MAP9: variants seen among roughly 807,000 people sequenced by gnomAD.
The protein encoded by MAP9 is microtubule-associated protein 9.
A neutral mutation model predicts 75.2 loss-of-function variants in MAP9; 80 were observed. The observed-to-expected ratio is 1.06, with a 90% confidence interval of 0.89 to 1.28. The LOEUF (loss-of-function observed/expected upper bound fraction) is 1.28. Among genes scored for constraint, MAP9 ranks in the 50% most tolerant of loss-of-function variants. MAP9 has a pLI of 0.00. For missense variants in MAP9, 753 were observed against 719.9 expected (o/e 1.05, Z -0.53); for synonymous variants, 235 against 237.3 (o/e 0.99, Z 0.09).
intron 7 of MAP9, among the ~76,000 whole-genome samples, chr4:155,359,116 G>A (rs924620369): frequency 6.6e-6 from 1 of 151,460 alleles, no homozygotes; most frequent in African/African-American, 2.4e-5. Context: ...AAAGATACCT[G>A]CACTCATGTT....
intron 4 of MAP9, among the ~76,000 whole-genome samples, chr4:155,371,924 G>A (rs189508059): frequency 2.0e-5 from 3 of 152,188 alleles, no homozygotes; most frequent in African/African-American, 7.2e-5. Flanking sequence ...ATTTTAACAA[G>A]TTAATTGTTT....
In MAP9 at chr4:155,360,169, T is replaced by C; in HGVS notation, c.1049A>G (p.Lys350Arg). 6.2e-7 allele frequency: 1 copy of C among 1,608,440 alleles called. No homozygotes were observed. The highest frequency in any genetic ancestry group is 8.5e-7 in the Non-Finnish European group (1 of 1,175,762). Residue 350 changes from lysine (K) to arginine (R), a missense_variant and splice_region_variant, in exon 7 of 14, where the codon AAG becomes AGG. Lys to Arg is a conservative substitution (Grantham distance 26). Transcript: ENST00000311277. ...LISTSATASS[K>R]KTIEDRNIKN... ...AAAAGTATGAATTTTTACAAATACC[T>C]TTGAAGATGCTGTTGCACTGGTAGA...
At chr4:155,370,298 A>T (rs1187476410) in intron 4 of MAP9, among the ~76,000 whole-genome samples, 1 of 152,216 alleles carries the variant, frequency 6.6e-6, no homozygotes, top group Non-Finnish European at 1.5e-5. Flanking sequence ...TCCAAATCAG[A>T]TCACATCACT....
intron 7 of MAP9, among the ~76,000 whole-genome samples, chr4:155,359,038 G>C (rs1421362525): frequency 1.3e-5 from 2 of 151,860 alleles, no homozygotes; most frequent in African/African-American, 2.4e-5. Context: ...ACTAAATATA[G>C]AACTACCACT....
Position 155,362,074 on chromosome 4 carries a change from C to T in MAP9, c.776G>A (p.Gly259Glu), listed in dbSNP as rs772508102. The T allele has an allele frequency of 6.2e-7, 1 of 1,600,300 alleles. No homozygotes were observed. Among genetic ancestry groups the T allele is most frequent in the African/African-American group, 1.3e-5 (1 of 74,148 alleles). ...TTTTCCAGATGCGTTTCCCTCAGAT[C>T]CTGGTGAAAAAGAATCTCCAAGAAT... ...KQILGDSFSP[G>E]SEGNASGKDP... Residue 259 changes from glycine to glutamate, a missense_variant, in exon 6 of 14, where the codon GGA becomes GAA. By Grantham distance (98) the Gly-to-Glu change is moderately conservative (BLOSUM62 -2). Coordinates refer to ENST00000311277, the MANE Select transcript of MAP9 (RefSeq NM_001039580.2).
At chr4:155,366,512 T>G (rs919782073) in intron 5 of MAP9, among the ~76,000 whole-genome samples, 44 of 152,206 alleles carry the variant, frequency 2.9e-4, no homozygotes, top group African/African-American at 1.0e-3. Context: ...GCAATTACTT[T>G]TGCACCAACA....
chr4:155,353,949 T>G (rs1296045309), intron 10 of MAP9, among the ~76,000 whole-genome samples: 1 of 152,206 alleles, frequency 6.6e-6, no homozygotes, highest in Admixed American at 6.5e-5. Context: ...TAATATTCTA[T>G]GTTTGCTTTA....
chr4:155,344,549 T>C lies in MAP9; in HGVS notation c.*3234A>G, dbSNP rs930035499. 5 of 152,018 alleles carry C rather than the reference T, an allele frequency of 3.3e-5. No individual in the cohort carries two copies. Among genetic ancestry groups the C allele is most frequent in the African/African-American group, 1.2e-4 (5 of 41,454 alleles). 9.4% of individuals were successfully genotyped at this position (152,018 alleles called of 1,614,324 possible). A position where few individuals can be genotyped will look rare whatever the true frequency, so the allele number is the denominator to read the frequency against. On this transcript the variant is annotated 3_prime_UTR_variant, in exon 14 of 14. Transcript: ENST00000311277. ...TAAGGAACATAAGACTGTGGATACC[T>C]ATCTACTGTCAGGTACTGCTTTGGC...
intron 1 of MAP9, chr4:155,376,472 C>T (rs888693131): frequency 6.6e-6 from 1 of 152,252 alleles, no homozygotes. Context: ...CGCGATGAGC[C>T]GCATTAAAAT....
At chr4:155,348,043 A>G (rs1171437031) in intron 13 of MAP9, 138 bp from the exon 14 acceptor site, 1 of 608,742 alleles carries the variant, frequency 1.6e-6, no homozygotes, top group African/African-American at 1.9e-5. Flanking sequence ...TCATAAAGAA[A>G]TAACAGGTAG....
Position 155,355,611 on chromosome 4 carries a change from G to A in MAP9, c.1290+105C>T, listed in dbSNP as rs1056105643. 3.2e-5 allele frequency: 26 copies of A among 808,672 alleles called. No homozygotes were observed. The African/African-American group carries it at 4.2e-4, about 13-fold the overall frequency. The allele number at this position is 808,672 out of a possible 1,614,324, so 50.1% of individuals were successfully genotyped here. A position where few individuals can be genotyped will look rare whatever the true frequency, so the allele number is the denominator to read the frequency against. On this transcript the variant is annotated intron_variant, in intron 9 of 13. Transcript: ENST00000311277. ...GGAAACTCTTTCTCAATAAATTTAA[G>A]TATTAAACCATCATTTTCTATCAGG...
intron 7 of MAP9, among the ~76,000 whole-genome samples, chr4:155,358,793 C>T (rs1267511850): frequency 2.0e-5 from 3 of 151,790 alleles, no homozygotes; most frequent in Admixed American, 2.0e-4. Flanking sequence ...AGAAGACATA[C>T]AAGTGGCCAA....
intron 10 of MAP9, chr4:155,354,443 G>A (rs930668743): frequency 2.7e-5 from 4 of 148,106 alleles, no homozygotes; most frequent in Admixed American, 1.3e-4. Flanking sequence ...GCTAACTAGT[G>A]TCTAATGATC....
chr4:155,342,822 G>T lies in MAP9; in HGVS notation c.*4961C>A, dbSNP rs1731161518. 1 of 151,678 alleles carries T rather than the reference G, an allele frequency of 6.6e-6. No individual in the cohort carries two copies. Among genetic ancestry groups the T allele is most frequent in the Admixed American group, 6.6e-5 (1 of 15,198 alleles). The allele number at this position is 151,678 out of a possible 1,614,324, so 9.4% of individuals were successfully genotyped here. A position where few individuals can be genotyped will look rare whatever the true frequency, so the allele number is the denominator to read the frequency against. ...AAGTGTATATGTCATATAACCTGCTGAGTTTTCTGATATTGTAATACTAGA... is the reference window on the plus strand; with the variant it reads ...AAGTGTATATGTCATATAACCTGCTTAGTTTTCTGATATTGTAATACTAGA... On this transcript the variant is annotated 3_prime_UTR_variant, in exon 14 of 14. Transcript: ENST00000311277.
chr4:155,346,480 T>C lies in MAP9; in HGVS notation c.*1303A>G, dbSNP rs767242386. On this transcript the variant is annotated 3_prime_UTR_variant, in exon 14 of 14. Coordinates refer to ENST00000311277, the MANE Select transcript of MAP9 (RefSeq NM_001039580.2). ...CTACAGAGAAGTGTGAAAAAGAGCA[T>C]AGAGATTTCAGAAGGAGGCAGATTC... 3 of 152,110 alleles carry C rather than the reference T, an allele frequency of 2.0e-5. No homozygotes were observed. Among genetic ancestry groups the C allele is most frequent in the Admixed American group, 6.6e-5 (1 of 15,250 alleles). 9.4% of individuals were successfully genotyped at this position (152,110 alleles called of 1,614,324 possible).
Position 155,347,823 on chromosome 4 carries a change from C to T in MAP9, c.1904G>A (p.Trp635Ter), listed in dbSNP as rs752274422. Reference sequence around the variant, plus strand: ...GAACACAGTTCTGCTTGGAGGGCTCCACGGAGGAAGTGCCTCACTTTCAAG... The same window carrying T: ...GAACACAGTTCTGCTTGGAGGGCTCTACGGAGGAAGTGCCTCACTTTCAAG... ...SFLESEALPP[W>*]SPPSRTVFAK... Residue 635 changes from tryptophan (W) to a stop codon, truncating the protein, a stop_gained, in exon 14 of 14, where the codon TGG (tryptophan) becomes TAG (stop). Transcript: ENST00000311277. LOFTEE classifies it high-confidence loss of function. 7 of 1,610,746 alleles carry T rather than the reference C, an allele frequency of 4.3e-6. No individual in the cohort carries two copies. The Admixed American group carries it at 1.2e-4, about 27-fold the overall frequency.
rs970201175 is a variant in MAP9 at position 155,346,198 on chromosome 4, T to A, written c.*1585A>T. Reference sequence around the variant, plus strand: ...CGTCTGGAGTGATCATCTCAAAGCCTTTGTCACATAACTTGCTGAGTTTTC... The same window carrying A: ...CGTCTGGAGTGATCATCTCAAAGCCATTGTCACATAACTTGCTGAGTTTTC... On this transcript the variant is annotated 3_prime_UTR_variant, in exon 14 of 14. Coordinates refer to ENST00000311277, the MANE Select transcript of MAP9 (RefSeq NM_001039580.2). 1 of 152,144 alleles carries A rather than the reference T, an allele frequency of 6.6e-6. No individual in the cohort carries two copies. Among genetic ancestry groups the A allele is most frequent in the Non-Finnish European group, 1.5e-5 (1 of 68,022 alleles). 9.4% of individuals were successfully genotyped at this position (152,144 alleles called of 1,614,324 possible).
intron 5 of MAP9, chr4:155,367,251 AG>A (rs1419187223): frequency 1.3e-5 from 2 of 152,180 alleles, no homozygotes; most frequent in East Asian, 3.9e-4. Context: ...TTTAAGAGAA[AG>A]AAGAGACACA....
chr4:155,361,034 C>T (rs1049405079), intron 6 of MAP9: 1 of 152,068 alleles, frequency 6.6e-6, no homozygotes, highest in African/African-American at 2.4e-5. Context: ...TTCAGTTTTG[C>T]ATTTATAGAA....
Sources: gnomAD v4.1 joint callset for allele counts (sites outside exome capture counted in the v4.1 genomes callset) on GRCh38, gnomAD v4.1.1 for gene constraint, MANE v1.5 for transcripts, NCBI Gene and HGNC (gene_info 2026-07-23, HGNC 2026-07-21) for gene names.